PAPPA2: variants seen among roughly 807,000 people sequenced by gnomAD.
PAPPA2 encodes pappalysin 2, also known as pappalysin-2.
Under a neutral mutation model 176.4 loss-of-function variants are expected in PAPPA2, and 86 were observed. The ratio of observed to expected loss-of-function variants is 0.49; its 90% CI spans 0.41 to 0.58. The LOEUF (loss-of-function observed/expected upper bound fraction) is 0.58, where lower values mean the gene tolerates loss of function less well. PAPPA2 is among the 20% of genes least tolerant of loss of function. PAPPA2 has a pLI of 0.00. For synonymous variants in PAPPA2, 809 were observed against 852.2 expected, an observed-to-expected ratio of 0.95 and a Z score of 0.88; for missense variants, 2,073 against 2,256.9, an observed-to-expected ratio of 0.92 and a Z score of 1.65.
rs1191116254 is a variant in PAPPA2 at position 176,556,844 on chromosome 1, C to T, written c.522C>T (p.Thr174=). ...CAGCCATGGCTGCCACTACTACCAC[C>T]GCCATTTTCACAACCCTGAACGAAC... The part of the protein sequence containing the change: ...KGSAMAATTT[T]AIFTTLNEPK... Residue 174 remains threonine, a synonymous_variant, in exon 2 of 23, where the codon ACC becomes ACT. Transcript: ENST00000367662. 5.6e-6 allele frequency: 9 copies of T among 1,614,140 alleles called. No homozygotes were observed. The highest frequency in any genetic ancestry group is 2.2e-5 in the East Asian group (1 of 44,876).
chr1:176,811,056 C>T (rs561139430), intron 21 of PAPPA2, among the ~76,000 whole-genome samples: 4 of 152,228 alleles, frequency 2.6e-5, no homozygotes, highest in South Asian at 2.1e-4. Flanking sequence ...TGGATAGTCA[C>T]GGATTATTCT....
chr1:176,636,874 G>A (rs1050028489), intron 3 of PAPPA2, among the ~76,000 whole-genome samples: 1 of 152,120 alleles, frequency 6.6e-6, no homozygotes, highest in Non-Finnish European at 1.5e-5. Flanking sequence ...AGTAAGGCAT[G>A]TATGCAATGA....
chr1:176,515,704 ATTTTGGC>A (rs1331348152), intron 1 of PAPPA2, among the ~76,000 whole-genome samples: 1 of 151,796 alleles, frequency 6.6e-6, no homozygotes, highest in African/African-American at 2.4e-5. Context: ...AGTAAGCTTC[ATTTTGGC>A]TTTTTTTTTC....
At chr1:176,554,416 C>A (rs1651148666) in intron 1 of PAPPA2, among the ~76,000 whole-genome samples, 1 of 152,198 alleles carries the variant, frequency 6.6e-6, no homozygotes, top group African/African-American at 2.4e-5. Flanking sequence ...GTTAAGAATT[C>A]AGAACCATGC....
intron 3 of PAPPA2, among the ~76,000 whole-genome samples, chr1:176,633,634 A>G (rs1400285542): frequency 2.0e-5 from 3 of 152,104 alleles, no homozygotes; most frequent in African/African-American, 7.2e-5. Flanking sequence ...TTCCAAAGTG[A>G]TAGTCTCCAT....
chr1:176,702,808 G>T lies in PAPPA2; in HGVS notation c.3365+73G>T. The T allele has an allele frequency of 3.4e-6, 5 of 1,477,550 alleles. No individual in the cohort carries two copies. In the Admixed American group the frequency reaches 5.6e-5, roughly 16 times the overall value. The allele number at this position is 1,477,550 out of a possible 1,614,324, so 91.5% of individuals were successfully genotyped here. A position where few individuals can be genotyped will look rare whatever the true frequency, so the allele number is the denominator to read the frequency against. ...GAGAGAGAGAGAGAGAGAGAGGGAG[G>T]GAGAGAGAGCAGGGACACTGTTCTC... On this transcript the variant is annotated intron_variant, in intron 9 of 22. Transcript: ENST00000367662.
intron 3 of PAPPA2, among the ~76,000 whole-genome samples, chr1:176,645,143 T>C (rs753482018): frequency 3.3e-5 from 5 of 151,852 alleles, no homozygotes; most frequent in Non-Finnish European, 5.9e-5. Flanking sequence ...AATAGGTTAC[T>C]GTAAACTGTA....
At chr1:176,504,816 T>G (rs995103434) in intron 1 of PAPPA2, among the ~76,000 whole-genome samples, 7 of 152,172 alleles carry the variant, frequency 4.6e-5, no homozygotes, top group Admixed American at 4.6e-4. Context: ...CATATCTCTT[T>G]TCCTCTACCA....
intron 19 of PAPPA2, 78 bp from the exon 20 acceptor site, chr1:176,793,482 C>A: frequency 7.8e-7 from 1 of 1,276,304 alleles, no homozygotes; most frequent in Non-Finnish European, 1.1e-6. Context: ...TTTAAAAACT[C>A]AAAGCTATTG....
intron 1 of PAPPA2, among the ~76,000 whole-genome samples, chr1:176,494,616 A>C (rs550619323): frequency 7.9e-5 from 12 of 152,296 alleles, no homozygotes; most frequent in African/African-American, 2.6e-4. Context: ...TGCATGCATA[A>C]CTGAGGGCAG....
intron 14 of PAPPA2, among the ~76,000 whole-genome samples, chr1:176,753,312 T>C (rs891818323): frequency 1.4e-4 from 22 of 152,152 alleles, no homozygotes; most frequent in African/African-American, 3.1e-4. Context: ...TATTATTTCA[T>C]CTCTATTATC....
At position 176,845,208 on chromosome 1, in the gene PAPPA2, T is replaced by TC. The variant is rs1461707863; in HGVS notation, c.*2755dup. On this transcript the variant is annotated 3_prime_UTR_variant, in exon 23 of 23. Transcript: ENST00000367662. The stretch of plus-strand genomic sequence containing the variant: ...CACCCATGTGGTCATTGAGAGCCTT[T>TC]CTCAGAGACTCTTCTGTGTGTTTGA... The TC allele has an allele frequency of 2.0e-5, 3 of 152,184 alleles. No homozygotes were observed. The highest frequency in any genetic ancestry group is 2.0e-4 in the Admixed American group (3 of 15,274). The allele number at this position is 152,184 out of a possible 1,614,324, so 9.4% of individuals were successfully genotyped here.
chr1:176,657,636 C>A (rs1558501195), intron 3 of PAPPA2, among the ~76,000 whole-genome samples: 1 of 151,894 alleles, frequency 6.6e-6, no homozygotes, highest in Non-Finnish European at 1.5e-5. Flanking sequence ...AAAATAATTT[C>A]TCAGTTTTTA....
At chr1:176,466,577 G>A (rs1293346558) in intron 1 of PAPPA2, among the ~76,000 whole-genome samples, 1 of 152,144 alleles carries the variant, frequency 6.6e-6, no homozygotes, top group African/African-American at 2.4e-5. Flanking sequence ...CAGAAAAGAA[G>A]GAATCTGATG....
intron 21 of PAPPA2, among the ~76,000 whole-genome samples, chr1:176,826,730 G>T (rs150025251): frequency 1.1e-4 from 17 of 152,360 alleles, no homozygotes; most frequent in African/African-American, 3.4e-4. Flanking sequence ...AACTGGACCT[G>T]GATATTACTG....
chr1:176,723,335 A>C (rs1195423080), intron 12 of PAPPA2, among the ~76,000 whole-genome samples: 2 of 152,216 alleles, frequency 1.3e-5, no homozygotes, highest in East Asian at 3.8e-4. Flanking sequence ...CTCATCCAGG[A>C]GTAATAGTCT....
intron 12 of PAPPA2, among the ~76,000 whole-genome samples, chr1:176,734,847 G>A (rs1018519088): frequency 6.6e-6 from 1 of 152,090 alleles, no homozygotes; most frequent in East Asian, 1.9e-4. Context: ...ATTGGACCAC[G>A]AATGGCTTTT....
chr1:176,816,186 ATATATATATATG>A (rs1289170497), intron 21 of PAPPA2, among the ~76,000 whole-genome samples: 2 of 126,426 alleles, frequency 1.6e-5, no homozygotes, highest in African/African-American at 5.9e-5. Context: ...ATATATATAT[ATATATATATATG>A]TACACATACA....
At chr1:176,730,600 T>TG (rs1204804465) in intron 12 of PAPPA2, among the ~76,000 whole-genome samples, 3 of 89,490 alleles carry the variant, frequency 3.4e-5, no homozygotes, top group African/African-American at 1.8e-4. Context: ...TTGTTTTTTG[T>TG]TTTTTTTTTG....
Sources: gnomAD v4.1 joint callset for allele counts (sites outside exome capture counted in the v4.1 genomes callset) on GRCh38, gnomAD v4.1.1 for gene constraint, MANE v1.5 for transcripts, NCBI Gene and HGNC (gene_info 2026-07-23, HGNC 2026-07-21) for gene names.